Variants in NTF3 observed in about 807,000 individuals in gnomAD.
NTF3 encodes neurotrophin-3.
A neutral mutation model predicts 26.3 loss-of-function variants in NTF3; 8 were observed. The observed-to-expected ratio is 0.30, with a 90% CI of 0.18 to 0.55. The LOEUF is 0.55. Among genes scored for constraint, NTF3 ranks in the 20% least tolerant of loss-of-function variants. NTF3 has a pLI of 0.93. For missense variants in NTF3, 276 were observed against 352.9 expected (o/e 0.78, Z 1.75); for synonymous variants, 154 against 145.5 (o/e 1.06, Z -0.42).
chr12:5,431,628 G>A (rs1273577901), upstream of NTF3, among the ~76,000 whole-genome samples: 1 of 152,028 alleles, frequency 6.6e-6, no homozygotes, highest in Non-Finnish European at 1.5e-5. Context: ...TGGAGGAGGA[G>A]TTTACGCCTC....
rs558874623 is a variant in NTF3 at position 5,491,798 on chromosome 12, T to C, written c.19-2396T>C. ...GCAGTGGCGTGATGTTGGCTCACTGTAAGCTCCGCCTCCCGGGTTCACACC... is the reference window on the plus strand; with the variant it reads ...GCAGTGGCGTGATGTTGGCTCACTGCAAGCTCCGCCTCCCGGGTTCACACC... On this transcript the variant is annotated intron_variant, in intron 1 of 1. Transcript: ENST00000423158. Among the ~76,000 whole-genome samples, 86 of 149,094 alleles carry C rather than the reference T, an allele frequency of 5.8e-4. 1 individual carries two copies. Among genetic ancestry groups the C allele is most frequent in the African/African-American group, 1.9e-3 (75 of 40,444 alleles).
upstream of NTF3, among the ~76,000 whole-genome samples, chr12:5,430,786 C>T (rs1371103537): frequency 6.6e-6 from 1 of 152,018 alleles, no homozygotes. Flanking sequence ...AGGGAGGAAA[C>T]GGGATACTCG....
At chr12:5,465,057 G>A (rs2121197994) in intron 1 of NTF3, among the ~76,000 whole-genome samples, 1 of 152,310 alleles carries the variant, frequency 6.6e-6, no homozygotes, top group Middle Eastern at 3.4e-3. Flanking sequence ...GTCAGGTGGT[G>A]TTATCTCTTT....
intron 1 of NTF3, among the ~76,000 whole-genome samples, chr12:5,436,178 G>A (rs1356341666): frequency 6.6e-6 from 1 of 152,194 alleles, no homozygotes. Flanking sequence ...TGGAGCAGAC[G>A]ATGGGGATCC....
intron 1 of NTF3, among the ~76,000 whole-genome samples, chr12:5,453,691 C>G (rs1330576717): frequency 6.6e-6 from 1 of 152,224 alleles, no homozygotes; most frequent in Non-Finnish European, 1.5e-5. Flanking sequence ...CTTCATGCTT[C>G]CCACTTGTTC....
At chr12:5,488,880 A>G (rs1364716546) in intron 1 of NTF3, among the ~76,000 whole-genome samples, 1 of 152,232 alleles carries the variant, frequency 6.6e-6, no homozygotes, top group Non-Finnish European at 1.5e-5. Flanking sequence ...TCCAGAGAAT[A>G]TGGCTACACC....
chr12:5,432,243 G>C lies in NTF3; in HGVS notation c.-82G>C. The C allele has an allele frequency of 6.8e-7, 1 of 1,464,470 alleles. No individual in the cohort carries two copies. Among genetic ancestry groups the C allele is most frequent in the Non-Finnish European group, 9.6e-7 (1 of 1,046,802 alleles). The allele number at this position is 1,464,470 out of a possible 1,614,324, so 90.7% of individuals were successfully genotyped here. A position where few individuals can be genotyped will look rare whatever the true frequency, so the allele number is the denominator to read the frequency against. ...CCCTGCTGGGTAGTGGCTGCGGCGGGGTGGGGGAGACTTTGAATGACCGAG... is the reference window on the plus strand; with the variant it reads ...CCCTGCTGGGTAGTGGCTGCGGCGGCGTGGGGGAGACTTTGAATGACCGAG... On this transcript the variant is annotated 5_prime_UTR_variant, in exon 1 of 2. Transcript: ENST00000423158.
intron 1 of NTF3, among the ~76,000 whole-genome samples, chr12:5,466,203 A>G (rs1380901504): frequency 1.3e-5 from 2 of 152,160 alleles, no homozygotes; most frequent in African/African-American, 2.4e-5. Context: ...CATCCTTGGG[A>G]GAGGCCAGCT....
At chr12:5,482,076 T>C (rs895149100) in intron 1 of NTF3, among the ~76,000 whole-genome samples, 3 of 151,748 alleles carry the variant, frequency 2.0e-5, no homozygotes, top group South Asian at 2.1e-4. Context: ...CAGACACATC[T>C]GCAGTCATAC....
upstream of NTF3, among the ~76,000 whole-genome samples, chr12:5,431,755 C>G (rs1187942054): frequency 2.0e-5 from 3 of 152,132 alleles, no homozygotes; most frequent in Non-Finnish European, 4.4e-5. Flanking sequence ...CTAAGAAAGG[C>G]TGAAGACACT....
intron 1 of NTF3, among the ~76,000 whole-genome samples, chr12:5,487,942 C>G (rs553563569): frequency 6.6e-6 from 1 of 152,216 alleles, no homozygotes; most frequent in Non-Finnish European, 1.5e-5. Flanking sequence ...GGGACCATCT[C>G]TGGCCTGCTT....
Position 5,433,106 on chromosome 12 carries a change from G to A in NTF3, c.18+764G>A, listed in dbSNP as rs1385856276. 6.6e-6 allele frequency: 1 copy of A among 152,326 alleles called. No homozygotes were observed. Among genetic ancestry groups the A allele is most frequent in the Non-Finnish European group, 1.5e-5 (1 of 68,140 alleles). The allele number at this position is 152,326 out of a possible 1,614,324, so 9.4% of individuals were successfully genotyped here. A position where few individuals can be genotyped will look rare whatever the true frequency, so the allele number is the denominator to read the frequency against. On this transcript the variant is annotated intron_variant, in intron 1 of 1. Coordinates refer to ENST00000423158, the MANE Select transcript of NTF3 (RefSeq NM_001102654.2). The surrounding 1 kb of genome is among the most constrained non-coding windows in gnomAD (Gnocchi z 4.6). ...TTTTTCAGAAAAGACCTCGCGCCCC[G>A]GGCTCCTCTTGGCCAGCGCCCACCC...
intron 1 of NTF3, among the ~76,000 whole-genome samples, chr12:5,486,880 GGT>G (rs10527557): frequency 0.024 from 3,556 of 148,600 alleles, 47 homozygotes; most frequent in East Asian, 0.028. Context: ...GTAGTTACGT[GGT>G]GTGTGTGTGT....
At chr12:5,465,721 C>T (rs934003525) in intron 1 of NTF3, among the ~76,000 whole-genome samples, 3 of 152,218 alleles carry the variant, frequency 2.0e-5, no homozygotes, top group African/African-American at 7.2e-5. Flanking sequence ...CCCATCCCCA[C>T]CACACTGTGC....
chr12:5,493,206 G>A (rs1028510316), intron 1 of NTF3, among the ~76,000 whole-genome samples: 2 of 152,206 alleles, frequency 1.3e-5, no homozygotes, highest in Non-Finnish European at 2.9e-5. Flanking sequence ...GATCAGCACT[G>A]TAATTCCACC....
intron 1 of NTF3, among the ~76,000 whole-genome samples, chr12:5,438,755 A>G (rs914148295): frequency 2.6e-5 from 4 of 152,174 alleles, no homozygotes; most frequent in African/African-American, 4.8e-5. Flanking sequence ...TCTGTCACTA[A>G]TTAGCTGCTA....
At chr12:5,482,878 C>T (rs893355013) in intron 1 of NTF3, among the ~76,000 whole-genome samples, 6 of 151,494 alleles carry the variant, frequency 4.0e-5, no homozygotes, top group African/African-American at 1.5e-4. Flanking sequence ...CTGTCTTTCT[C>T]TCTGTGTGTG....
At chr12:5,451,405 C>T (rs1303933897) in intron 1 of NTF3, among the ~76,000 whole-genome samples, 1 of 152,224 alleles carries the variant, frequency 6.6e-6, no homozygotes, top group Non-Finnish European at 1.5e-5. Flanking sequence ...AGAAGTACCA[C>T]ACTCTTGCAC....
At chr12:5,466,856 G>A (rs767410013) in intron 1 of NTF3, among the ~76,000 whole-genome samples, 2 of 152,260 alleles carry the variant, frequency 1.3e-5, no homozygotes, top group Admixed American at 1.3e-4. Flanking sequence ...GTACTTGTTA[G>A]TGTTGTTTAT....
Sources: gnomAD v4.1 joint callset for allele counts (sites outside exome capture counted in the v4.1 genomes callset) on GRCh38, gnomAD v4.1.1 for gene constraint, Gnocchi (gnomAD v3.1) non-coding constraint, MANE v1.5 for transcripts, NCBI Gene and HGNC (gene_info 2026-07-23, HGNC 2026-07-21) for gene names.